The following TRPM3 variants were observed in gnomAD, a reference collection of about 807,000 sequenced individuals.
The protein encoded by TRPM3 is long transient receptor potential channel 3.
A neutral mutation model predicts 181.2 loss-of-function variants in TRPM3; 77 were observed. That is an observed-to-expected ratio of 0.42 (90% confidence interval 0.35 to 0.51). The LOEUF is 0.51. Among genes scored for constraint, TRPM3 ranks in the 20% least tolerant of loss-of-function variants. The pLI, the probability that TRPM3 is intolerant of heterozygous loss-of-function variation, is 0.01. For synonymous variants in TRPM3, 745 were observed against 796.4 expected (o/e 0.94, Z 1.09); for missense variants, 1,759 against 2,196.7 (o/e 0.80, Z 3.98).
At chr9:70,983,480 T>C (rs1437654862) in intron 1 of TRPM3, among the ~76,000 whole-genome samples, 1 of 152,182 alleles carries the variant, frequency 6.6e-6, no homozygotes, top group African/African-American at 2.4e-5. Flanking sequence ...TCTCTCTCTT[T>C]ACTAGACACC....
At chr9:71,421,438 C>T (rs761343505) in intron 1 of TRPM3, among the ~76,000 whole-genome samples, 12 of 151,962 alleles carry the variant, frequency 7.9e-5, no homozygotes, top group Non-Finnish European at 1.8e-4. Flanking sequence ...CATAAATTTA[C>T]AAAGGTGTCC....
At chr9:70,657,213 A>G (rs1294173747) in intron 9 of TRPM3, among the ~76,000 whole-genome samples, 3 of 146,516 alleles carry the variant, frequency 2.0e-5, no homozygotes, top group Middle Eastern at 3.6e-3. Context: ...AAAAAAAAAA[A>G]AAAAAGCTTG....
intron 21 of TRPM3, among the ~76,000 whole-genome samples, chr9:70,593,451 T>C (rs1042277983): frequency 9.9e-5 from 15 of 152,116 alleles, no homozygotes; most frequent in African/African-American, 3.6e-4. Context: ...AAAAGATGGG[T>C]TGGGAGAGGA....
intron 6 of TRPM3, among the ~76,000 whole-genome samples, chr9:70,805,497 G>A (rs1004371222): frequency 4.5e-5 from 6 of 132,890 alleles, no homozygotes; most frequent in African/African-American, 1.4e-4. Flanking sequence ...TTGCGGCACT[G>A]CACTCCAACC....
At chr9:71,355,326 G>A (rs2091851287) in intron 1 of TRPM3, among the ~76,000 whole-genome samples, 1 of 152,188 alleles carries the variant, frequency 6.6e-6, no homozygotes, top group Non-Finnish European at 1.5e-5. Flanking sequence ...TTTCTTTTAA[G>A]AGGGAAATTT....
intron 1 of TRPM3, among the ~76,000 whole-genome samples, chr9:71,183,562 CCTATT>C (rs2077518836): frequency 6.6e-6 from 1 of 152,076 alleles, no homozygotes; most frequent in Non-Finnish European, 1.5e-5. Context: ...TATATACTAA[CCTATT>C]CTTTTCCAAG....
chr9:70,603,212 A>G, intron 20 of TRPM3, 130 bp downstream of exon 20: 2 of 1,109,016 alleles, frequency 1.8e-6, no homozygotes, highest in Non-Finnish European at 2.6e-6. Context: ...GCAAAGAAGC[A>G]GCTGTGGTAG....
At chr9:71,060,409 G>A (rs905194602) in intron 1 of TRPM3, among the ~76,000 whole-genome samples, 2 of 152,096 alleles carry the variant, frequency 1.3e-5, no homozygotes, top group African/African-American at 4.8e-5. Flanking sequence ...GACAGATGAT[G>A]CTGTAAGATC....
At chr9:70,828,113 C>T (rs2093664365) in intron 5 of TRPM3, 95 bp from the exon 6 acceptor site, 1 of 1,273,948 alleles carries the variant, frequency 7.8e-7, no homozygotes, top group East Asian at 2.3e-5. Flanking sequence ...GAAGAAAGAA[C>T]ATCAGTTCTG....
intron 1 of TRPM3, among the ~76,000 whole-genome samples, chr9:71,406,039 G>A (rs776823249): frequency 6.6e-6 from 1 of 152,134 alleles, no homozygotes; most frequent in African/African-American, 2.4e-5. Flanking sequence ...ACTTCAGGAG[G>A]CCAAGGCAGG....
chr9:71,026,919 TG>T (rs1340926918), intron 1 of TRPM3, among the ~76,000 whole-genome samples: 1 of 152,178 alleles, frequency 6.6e-6, no homozygotes, highest in African/African-American at 2.4e-5. Flanking sequence ...GCATGGTGGC[TG>T]GGGCTCTGGC....
chr9:71,349,307 T>G (rs780040948), intron 1 of TRPM3, among the ~76,000 whole-genome samples: 24 of 152,178 alleles, frequency 1.6e-4, no homozygotes, highest in Admixed American at 5.9e-4. Flanking sequence ...TATCAGGACC[T>G]TGTACTGTTT....
At chr9:70,977,336 G>A (rs1310588734) in intron 1 of TRPM3, among the ~76,000 whole-genome samples, 3 of 152,230 alleles carry the variant, frequency 2.0e-5, no homozygotes, top group South Asian at 4.2e-4. Context: ...GGGTTTCACC[G>A]TGTTAGCCAG....
intron 24 of TRPM3, among the ~76,000 whole-genome samples, 200 bp from the exon 25 acceptor site, chr9:70,549,874 G>T (rs974663181): frequency 6.6e-6 from 1 of 152,114 alleles, no homozygotes; most frequent in African/African-American, 2.4e-5. Flanking sequence ...TTTATTATGG[G>T]TCTCTGAAGT....
At chr9:71,412,067 C>T (rs2093560464) in intron 1 of TRPM3, among the ~76,000 whole-genome samples, 1 of 152,136 alleles carries the variant, frequency 6.6e-6, no homozygotes, top group Non-Finnish European at 1.5e-5. Flanking sequence ...GAAACTGGAT[C>T]CCTTCCTTAC....
chr9:70,612,894 C>T (rs1173718650), intron 18 of TRPM3, among the ~76,000 whole-genome samples: 1 of 152,142 alleles, frequency 6.6e-6, no homozygotes, highest in African/African-American at 2.4e-5. Flanking sequence ...AGAGTAAAGA[C>T]AGCCAGAAGG....
rs2056968127 is a variant in TRPM3, at chr9:71,029,147, T to C, written c.177+92031A>G. On this transcript the variant is annotated intron_variant, in intron 1 of 25. Coordinates refer to ENST00000677713, the MANE Select transcript of TRPM3 (RefSeq NM_001366145.2). The stretch of plus-strand genomic sequence containing the variant: ...AATTAAGGCAGTAACCAAGAAGTCC[T>C]TTGAAATTAATGAGAACGAAGATAC... Among the ~76,000 whole-genome samples, 4 of 152,252 alleles carry C rather than the reference T, an allele frequency of 2.6e-5. No individual in the cohort carries two copies. The South Asian group carries it at 8.3e-4, about 32-fold the overall frequency.
At chr9:70,570,457 C>T (rs549243734) in intron 22 of TRPM3, among the ~76,000 whole-genome samples, 34 of 151,890 alleles carry the variant, frequency 2.2e-4, no homozygotes, top group African/African-American at 5.8e-4. Context: ...TACAGGTATG[C>T]GCCACCACGC....
chr9:70,571,527 A>G lies in TRPM3; in HGVS notation c.3224-18217T>C, dbSNP rs79443077. Among the ~76,000 whole-genome samples the G allele has an allele frequency of 3.9e-5, 6 of 152,068 alleles. No homozygotes were observed. The East Asian group carries it at 7.7e-4, about 20-fold the overall frequency. Reference sequence around the variant, plus strand: ...GTTGTACCTCTTAGGCAACTTACCAATTAAGTTAAATGTGAACCATATGCA... The same window carrying G: ...GTTGTACCTCTTAGGCAACTTACCAGTTAAGTTAAATGTGAACCATATGCA... On this transcript the variant is annotated intron_variant, in intron 22 of 25. Coordinates refer to ENST00000677713, the MANE Select transcript of TRPM3 (RefSeq NM_001366145.2).
Sources: allele counts gnomAD v4.1 joint callset (sites outside exome capture counted in the v4.1 genomes callset), GRCh38; gene constraint gnomAD v4.1.1; transcripts MANE v1.5; gene names NCBI Gene and HGNC (gene_info 2026-07-23, HGNC 2026-07-21).